The following CTNND2 variants were observed in gnomAD, a reference collection of about 807,000 sequenced individuals.
The protein encoded by CTNND2 is catenin delta-2.
Under a neutral mutation model 144.4 loss-of-function variants are expected in CTNND2, and 22 were observed. That is an observed-to-expected ratio of 0.15 (90% CI 0.11 to 0.22). The LOEUF is 0.22. CTNND2 is among the 10% of genes least tolerant of loss of function. The pLI is 1.00. For missense variants in CTNND2, 1,353 were observed against 1,618.8 expected (o/e 0.84, Z 2.82); for synonymous variants, 751 against 695.6 (o/e 1.08, Z -1.25).
At chr5:11,649,832 C>A (rs568801749) in intron 2 of CTNND2, among the ~76,000 whole-genome samples, 2 of 152,248 alleles carry the variant, frequency 1.3e-5, no homozygotes, top group South Asian at 4.2e-4. Flanking sequence ...TGCTTTACAA[C>A]AATTAATTCT....
chr5:11,421,640 C>T (rs944519455), intron 3 of CTNND2, among the ~76,000 whole-genome samples: 1 of 152,110 alleles, frequency 6.6e-6, no homozygotes, highest in Admixed American at 6.5e-5. Flanking sequence ...TAAAAAAATA[C>T]CCAGGCATGG....
At chr5:11,381,291 C>T (rs1478830801) in intron 7 of CTNND2, among the ~76,000 whole-genome samples, 1 of 152,138 alleles carries the variant, frequency 6.6e-6, no homozygotes, top group African/African-American at 2.4e-5. Flanking sequence ...CCGAAGTAAC[C>T]CTGTTACAAA....
At chr5:11,844,755 TAATC>T (rs1002404962) in intron 1 of CTNND2, among the ~76,000 whole-genome samples, 3 of 152,314 alleles carry the variant, frequency 2.0e-5, no homozygotes, top group African/African-American at 7.2e-5. Context: ...CTCATTTTTC[TAATC>T]AATCACTGTA....
chr5:11,477,401 T>G (rs1031135609), intron 3 of CTNND2, among the ~76,000 whole-genome samples: 4 of 150,722 alleles, frequency 2.7e-5, no homozygotes, highest in South Asian at 2.1e-4. Context: ...TTTGGTGGTG[T>G]TGTTTTTGTT....
chr5:11,364,735 G>A lies in CTNND2; in HGVS notation c.1333C>T (p.Leu445=), dbSNP rs1037334305. 6.2e-7 allele frequency: 1 copy of A among 1,613,882 alleles called. No homozygotes were observed. Among genetic ancestry groups the A allele is most frequent in the Middle Eastern group, 1.7e-4 (1 of 6,004 alleles). Residue 445 remains leucine, a synonymous_variant, in exon 8 of 22, where the codon CTG becomes TTG. Transcript: ENST00000304623. The part of the protein sequence containing the change: ...RSLSQSQGDP[L]PPAHTGTYRT... ...TAGGTGCCGGTGTGTGCTGGCGGCA[G>A]AGGGTCCCCCTGGCTCTGGCTGAGA...
At chr5:11,240,386 T>TCACACCCAACA (rs1554009629) in intron 9 of CTNND2, among the ~76,000 whole-genome samples, 1 of 93,808 alleles carries the variant, frequency 1.1e-5, no homozygotes, top group African/African-American at 4.6e-5. Flanking sequence ...ACACATACAC[T>TCACACCCAACA]CACACACCCA....
intron 3 of CTNND2, among the ~76,000 whole-genome samples, chr5:11,476,516 A>AT (rs1767755638): frequency 6.6e-6 from 1 of 152,180 alleles, no homozygotes; most frequent in African/African-American, 2.4e-5. Flanking sequence ...AACCTGGCTG[A>AT]TTCATATCAC....
At chr5:11,758,174 T>C (rs1044507205) in intron 1 of CTNND2, among the ~76,000 whole-genome samples, 1 of 151,958 alleles carries the variant, frequency 6.6e-6, no homozygotes, top group African/African-American at 2.4e-5. Context: ...ATCCTGAAGA[T>C]GCCATCTTTC....
chr5:11,482,623 G>C (rs550416443), intron 3 of CTNND2, among the ~76,000 whole-genome samples: 3 of 152,052 alleles, frequency 2.0e-5, no homozygotes, highest in Non-Finnish European at 4.4e-5. Flanking sequence ...GAGAACAAGC[G>C]GGAAGGGCAT....
Position 11,181,943 on chromosome 5 carries a change from TG to T in CTNND2, c.1975+17504del, listed in dbSNP as rs1176970277. 1.6e-3 allele frequency among the ~76,000 whole-genome samples: 229 copies of T among 139,932 alleles called. 3 individuals carry two copies. The highest frequency in any genetic ancestry group is 5.4e-3 in the African/African-American group (200 of 36,900). The allele number at this position is 139,932 out of a possible 152,430, so 91.8% of individuals were successfully genotyped here. A position where few individuals can be genotyped will look rare whatever the true frequency, so the allele number is the denominator to read the frequency against. On this transcript the variant is annotated intron_variant, in intron 11 of 21. Coordinates refer to ENST00000304623, the MANE Select transcript of CTNND2 (RefSeq NM_001332.4). ...GGAGGCTATGTGTGTGGTGTGTGTG[TG>T]GGGGGGTGCGTGGTATCTGTGTAGT...
At chr5:11,468,557 T>A (rs370720598) in intron 3 of CTNND2, among the ~76,000 whole-genome samples, 13 of 152,286 alleles carry the variant, frequency 8.5e-5, no homozygotes, top group African/African-American at 3.1e-4. Flanking sequence ...ATCCAATATG[T>A]CTGTCAGGTC....
Position 11,494,442 on chromosome 5 carries a change from A to C in CTNND2, c.287+70502T>G, listed in dbSNP as rs532144277. ...TAAATACCTATTATAATATGGCTCA[A>C]GTACCAAACGTGTGTGAGTGGTATT... On this transcript the variant is annotated intron_variant, in intron 3 of 21. Transcript: ENST00000304623. Among the ~76,000 whole-genome samples, 14 of 152,190 alleles carry C rather than the reference A, an allele frequency of 9.2e-5. No individual in the cohort carries two copies. In the South Asian group the frequency reaches 1.0e-3, roughly 11 times the overall value.
chr5:11,346,361 T>A lies in CTNND2; in HGVS notation c.1628+11A>T. ...TAGACATCATAGGGAAAGAAAAAGG[T>A]TTTTACCCACCTGGGATCTTTCTGA... On this transcript the variant is annotated intron_variant, in intron 9 of 21. Coordinates refer to ENST00000304623, the MANE Select transcript of CTNND2 (RefSeq NM_001332.4). The A allele has an allele frequency of 7.1e-7, 1 of 1,416,886 alleles. No individual in the cohort carries two copies. The highest frequency in any genetic ancestry group is 9.3e-7 in the Non-Finnish European group (1 of 1,079,142). 87.8% of individuals were successfully genotyped at this position (1,416,886 alleles called of 1,614,324 possible).
chr5:11,470,148 A>T (rs1170346115), intron 3 of CTNND2, among the ~76,000 whole-genome samples: 1 of 152,200 alleles, frequency 6.6e-6, no homozygotes, highest in East Asian at 1.9e-4. Context: ...AAAAATTGAG[A>T]ACATAGGCCA....
intron 3 of CTNND2, among the ~76,000 whole-genome samples, chr5:11,491,515 G>C (rs1009280186): frequency 1.3e-5 from 2 of 152,148 alleles, no homozygotes; most frequent in African/African-American, 4.8e-5. Flanking sequence ...CTAGGAAGGG[G>C]CACAGCTGGG....
At chr5:11,231,483 CT>C (rs758553800) in intron 10 of CTNND2, among the ~76,000 whole-genome samples, 2 of 152,200 alleles carry the variant, frequency 1.3e-5, no homozygotes, top group Non-Finnish European at 2.9e-5. Context: ...ATATGCGGAA[CT>C]TCTTGGGAAC....
intron 1 of CTNND2, among the ~76,000 whole-genome samples, chr5:11,771,680 A>G (rs2126826653): frequency 6.6e-6 from 1 of 152,272 alleles, no homozygotes; most frequent in Admixed American, 6.5e-5. Flanking sequence ...AGTCACTGTA[A>G]TAACTTTCTA....
At chr5:11,281,768 T>C (rs1747145105) in intron 9 of CTNND2, among the ~76,000 whole-genome samples, 1 of 152,130 alleles carries the variant, frequency 6.6e-6, no homozygotes, top group African/African-American at 2.4e-5. Flanking sequence ...AAATTTCCTC[T>C]TCTTATAAGG....
At chr5:11,844,117 C>T (rs773522947) in intron 1 of CTNND2, among the ~76,000 whole-genome samples, 2 of 152,198 alleles carry the variant, frequency 1.3e-5, no homozygotes, top group Non-Finnish European at 2.9e-5. Flanking sequence ...CCAGCTTTAA[C>T]TTCCCACATT....
Sources: gnomAD v4.1 joint callset for allele counts (sites outside exome capture counted in the v4.1 genomes callset) on GRCh38, gnomAD v4.1.1 for gene constraint, MANE v1.5 for transcripts, NCBI Gene and HGNC (gene_info 2026-07-23, HGNC 2026-07-21) for gene names.